MYO16: variants seen among roughly 807,000 people sequenced by gnomAD.
MYO16 encodes unconventional myosin-XVI.
Under a neutral mutation model 205.3 loss-of-function variants are expected in MYO16, and 94 were observed. The ratio of observed to expected loss-of-function variants is 0.46; its 90% CI spans 0.39 to 0.54. The LOEUF (loss-of-function observed/expected upper bound fraction) is 0.54. Among genes scored for constraint, MYO16 ranks in the 20% least tolerant of loss-of-function variants. The pLI, the probability that MYO16 is intolerant of heterozygous loss-of-function variation, is 0.00. For missense variants in MYO16, 2,315 were observed against 2,387.5 expected (o/e 0.97, Z 0.63); for synonymous variants, 988 against 954.0 (o/e 1.04, Z -0.66).
Position 109,140,704 on chromosome 13 carries a change from T to C in MYO16, c.4492T>C (p.Cys1498Arg), listed in dbSNP as rs1400154340. Reference sequence around the variant, plus strand: ...GGCGGCGGGGCCCCCAGGGGACGCGTGCGACATCCCGCCGCCCTTCCCCAA... The same window carrying C: ...GGCGGCGGGGCCCCCAGGGGACGCGCGCGACATCCCGCCGCCCTTCCCCAA... ...DEAAGPPGDA[C>R]DIPPPFPNLL... Residue 1498 changes from cysteine (C) to arginine (R), a missense_variant, in exon 32 of 35, where the codon TGC becomes CGC. Cys to Arg is a radical substitution (Grantham distance 180). This residue lies in a region of MYO16 where 1,097 missense variants were observed against 1,092.0 expected (regional missense o/e 1.00). Transcript: ENST00000457511. The surrounding 1 kb of genome is among the most constrained non-coding windows in gnomAD (Gnocchi z 8.0). 2.0e-6 allele frequency: 3 copies of C among 1,486,936 alleles called. No individual in the cohort carries two copies. Among genetic ancestry groups the C allele is most frequent in the Non-Finnish European group, 2.7e-6 (3 of 1,120,498 alleles). 92.1% of individuals were successfully genotyped at this position (1,486,936 alleles called of 1,614,324 possible). A position where few individuals can be genotyped will look rare whatever the true frequency, so the allele number is the denominator to read the frequency against.
chr13:108,685,118 G>A (rs1024565968), intron 2 of MYO16, among the ~76,000 whole-genome samples: 2 of 151,562 alleles, frequency 1.3e-5, no homozygotes, highest in Admixed American at 1.3e-4. Flanking sequence ...CACCTTCCGG[G>A]TTCAAGCCAT....
At chr13:108,579,441 A>ATTTT in the MYO16 span, among the ~76,000 whole-genome samples, 2 of 139,466 alleles carry the variant, frequency 1.4e-5, no homozygotes, top group Admixed American at 7.3e-5. Flanking sequence ...AAAGGCAAGA[A>ATTTT]TTTTTTTTTT....
At chr13:109,038,623 A>C (rs185637861) in intron 23 of MYO16, among the ~76,000 whole-genome samples, 4 of 152,142 alleles carry the variant, frequency 2.6e-5, no homozygotes, top group African/African-American at 7.2e-5. Context: ...ATATTATACT[A>C]TACTACTGGT....
intron 21 of MYO16, among the ~76,000 whole-genome samples, chr13:108,996,630 T>C (rs1254118514): frequency 6.6e-6 from 1 of 152,084 alleles, no homozygotes; most frequent in Non-Finnish European, 1.5e-5. Context: ...AATAAGGAAA[T>C]GGAAAAAGCA....
Position 109,140,205 on chromosome 13 carries a change from TTGG to T in MYO16, c.4052-55_4052-53del. The T allele has an allele frequency of 5.1e-6, 8 of 1,579,318 alleles. No individual in the cohort carries two copies. Among genetic ancestry groups the T allele is most frequent in the African/African-American group, 1.4e-5 (1 of 73,116 alleles). On this transcript the variant is annotated intron_variant, in intron 31 of 34. Transcript: ENST00000457511. The surrounding 1 kb of genome is among the most constrained non-coding windows in gnomAD (Gnocchi z 8.0). ...GCTCCCTCCGAGTCGAGCCCCGGGC[TTGG>T]TGGGCACCCGTGGGCCTGGCCTGGC...
At chr13:108,957,438 A>G (rs1244088080) in intron 16 of MYO16, among the ~76,000 whole-genome samples, 3 of 151,856 alleles carry the variant, frequency 2.0e-5, no homozygotes, top group African/African-American at 7.3e-5. Context: ...CTCCTGTCAC[A>G]AGGAAAGGTG....
At chr13:109,122,012 C>A (rs1876014100) in intron 29 of MYO16, among the ~76,000 whole-genome samples, 1 of 152,166 alleles carries the variant, frequency 6.6e-6, no homozygotes, top group Non-Finnish European at 1.5e-5. Flanking sequence ...CCTTGCAAGT[C>A]CTATTTGCAT....
chr13:108,522,989 A>G, the MYO16 span, among the ~76,000 whole-genome samples: 50,237 of 152,040 alleles, frequency 0.33, 10,199 homozygotes, highest in African/African-American at 0.57. Flanking sequence ...CCATAACAAA[A>G]AATGCCATAG....
intron 14 of MYO16, among the ~76,000 whole-genome samples, chr13:108,891,711 G>C (rs1880183102): frequency 2.0e-5 from 3 of 152,266 alleles, no homozygotes; most frequent in Admixed American, 2.0e-4. Flanking sequence ...ACAGAAAGAT[G>C]CCTGCATTTC....
chr13:108,572,203 A>G, the MYO16 span, among the ~76,000 whole-genome samples: 2 of 152,132 alleles, frequency 1.3e-5, no homozygotes, highest in Non-Finnish European at 2.9e-5. Flanking sequence ...CTGGGATTAC[A>G]GGTGTGAGCC....
At chr13:108,526,931 T>C in the MYO16 span, among the ~76,000 whole-genome samples, 1 of 152,226 alleles carries the variant, frequency 6.6e-6, no homozygotes. Context: ...GGTTTGAATC[T>C]TAGTTCTGCA....
At chr13:109,187,345 A>AT (rs1377573571) in intron 34 of MYO16, among the ~76,000 whole-genome samples, 2 of 151,066 alleles carry the variant, frequency 1.3e-5, no homozygotes, top group East Asian at 2.0e-4. Context: ...GATTTCATTG[A>AT]TTTTCTCTAT....
intron 22 of MYO16, among the ~76,000 whole-genome samples, chr13:109,009,303 A>C (rs1885513936): frequency 6.6e-6 from 1 of 152,176 alleles, no homozygotes; most frequent in Non-Finnish European, 1.5e-5. Flanking sequence ...ATTCAACATC[A>C]CTAAAACTCT....
chr13:109,046,874 A>C (rs375945553), intron 23 of MYO16, 42 bp from the exon 24 acceptor site: 54 of 1,466,934 alleles, frequency 3.7e-5, no homozygotes, highest in Non-Finnish European at 4.9e-5. Context: ...TTTCACAGTC[A>C]TGTTGAATCA....
At chr13:109,048,645 G>T in intron 24 of MYO16, 1 of 293,196 alleles carries the variant, frequency 3.4e-6, no homozygotes, top group Non-Finnish European at 6.2e-6. Flanking sequence ...ATTTGTGGTT[G>T]CCATCATGTT....
At chr13:109,173,175 C>T (rs896535977) in intron 33 of MYO16, among the ~76,000 whole-genome samples, 1 of 152,170 alleles carries the variant, frequency 6.6e-6, no homozygotes, top group African/African-American at 2.4e-5. Flanking sequence ...ACCAAGTGCA[C>T]CTGTCACATG....
chr13:108,684,620 C>G (rs1263315018), intron 2 of MYO16, among the ~76,000 whole-genome samples: 1 of 152,068 alleles, frequency 6.6e-6, no homozygotes, highest in East Asian at 1.9e-4. Context: ...ATAAGGGAGC[C>G]CCTGGTGGCT....
chr13:108,519,626 T>TACACAC, the MYO16 span, among the ~76,000 whole-genome samples: 10 of 108,434 alleles, frequency 9.2e-5, no homozygotes, highest in Admixed American at 2.7e-4. Flanking sequence ...ATATGCAAAA[T>TACACAC]ACACACACAC....
intron 20 of MYO16, among the ~76,000 whole-genome samples, chr13:108,986,988 T>G (rs1432637978): frequency 6.6e-6 from 1 of 152,156 alleles, no homozygotes; most frequent in East Asian, 1.9e-4. Context: ...TTCCCTAGGA[T>G]TAAATGAGGA....
Sources: allele counts gnomAD v4.1 joint callset (sites outside exome capture counted in the v4.1 genomes callset), GRCh38; gene constraint gnomAD v4.1.1; regional missense constraint gnomAD v4.1.1; non-coding constraint Gnocchi (gnomAD v3.1); transcripts MANE v1.5; gene names NCBI Gene and HGNC (gene_info 2026-07-23, HGNC 2026-07-21).